SUN1: variants seen among roughly 807,000 people sequenced by gnomAD.
SUN1 encodes the protein Sad1 and UNC84 domain containing 1.
In SUN1, 61 loss-of-function variants were observed where a neutral mutation model predicts 103.2. That is an observed-to-expected ratio of 0.59 (90% confidence interval 0.48 to 0.73). SUN1 has a LOEUF of 0.73. Ranked by LOEUF, SUN1 falls within the 30% of genes least tolerant of loss-of-function variation. The pLI, the probability that SUN1 is intolerant of heterozygous loss-of-function variation, is 0.00. For missense variants in SUN1, 1,052 were observed against 1,034.6 expected, an observed-to-expected ratio of 1.02 and a Z score of -0.23; for synonymous variants, 490 against 425.7, an observed-to-expected ratio of 1.15 and a Z score of -1.86.
At chr7:846,887 G>C (rs1250062754) in intron 5 of SUN1, among the ~76,000 whole-genome samples, 2 of 151,854 alleles carry the variant, frequency 1.3e-5, no homozygotes, top group African/African-American at 4.8e-5. Flanking sequence ...GGTGGCCAGC[G>C]CCTGTAATCC....
intron 5 of SUN1, among the ~76,000 whole-genome samples, chr7:846,234 G>C (rs1489962626): frequency 6.6e-6 from 1 of 151,812 alleles, no homozygotes; most frequent in Non-Finnish European, 1.5e-5. Flanking sequence ...TCAGCCTCCT[G>C]AGTAGCTGGG....
At chr7:869,727 C>G (rs1391925614) in intron 17 of SUN1, among the ~76,000 whole-genome samples, 1 of 152,150 alleles carries the variant, frequency 6.6e-6, no homozygotes, top group African/African-American at 2.4e-5. Context: ...ACATACAGTA[C>G]TACACTGACC....
At chr7:871,056 A>G (rs1416392527) in intron 17 of SUN1, among the ~76,000 whole-genome samples, 3 of 151,302 alleles carry the variant, frequency 2.0e-5, no homozygotes, top group Non-Finnish European at 2.9e-5. Flanking sequence ...ACGCCCGGCT[A>G]ATTTTTGTGT....
chr7:822,516 C>G (rs937784221), intron 1 of SUN1, among the ~76,000 whole-genome samples: 10 of 152,172 alleles, frequency 6.6e-5, no homozygotes, highest in Admixed American at 2.6e-4. Flanking sequence ...GAACACAGAG[C>G]AGCCCTTTGG....
chr7:828,340 T>C (rs1009021176), upstream of SUN1, among the ~76,000 whole-genome samples: 37 of 152,080 alleles, frequency 2.4e-4, no homozygotes, highest in South Asian at 6.2e-4. Context: ...GGTGCTGTGT[T>C]GGCTCACTGC....
At chr7:850,775 A>AC (rs981221528) in intron 5 of SUN1, 4 of 148,518 alleles carry the variant, frequency 2.7e-5, no homozygotes, top group East Asian at 1.9e-4. Context: ...ATTAAAAAAA[A>AC]AAAAAAACAA....
chr7:866,159 G>A lies in SUN1; in HGVS notation c.1980+92G>A, dbSNP rs74881815. On this transcript the variant is annotated intron_variant, in intron 16 of 18. Transcript: ENST00000401592. ...TAGGTCCACAGCTCCATGGAACTTC[G>A]TAAGATGAACACGTCTGTGGAACTG... is the stretch of plus-strand genomic sequence containing the variant. 8,778 of 1,069,454 alleles carry A rather than the reference G, an allele frequency of 8.2e-3. 504 individuals carry two copies. In the East Asian group the frequency reaches 0.15, roughly 18 times the overall value. 66.2% of individuals were successfully genotyped at this position (1,069,454 alleles called of 1,614,324 possible).
At position 852,596 on chromosome 7, in the gene SUN1, T is replaced by C. The variant is rs927630677; in HGVS notation, c.852-13T>C. The C allele has an allele frequency of 1.2e-6, 2 of 1,614,180 alleles. No homozygotes were observed. Among genetic ancestry groups the C allele is most frequent in the Non-Finnish European group, 1.7e-6 (2 of 1,180,022 alleles). On this transcript the variant is annotated splice_polypyrimidine_tract_variant and intron_variant, in intron 7 of 18. Coordinates refer to ENST00000401592, the MANE Select transcript of SUN1 (RefSeq NM_001130965.3). ...ATTTTTTCTAAGTCAAAGGTTTTCATTGTTACTCCCAGGTGCCTTCGAAAC... is the reference window on the plus strand; with the variant it reads ...ATTTTTTCTAAGTCAAAGGTTTTCACTGTTACTCCCAGGTGCCTTCGAAAC...
rs766591405 is a variant in SUN1, at chr7:843,385, G to T, written c.523G>T (p.Ala175Ser). Reference sequence around the variant, plus strand: ...TCAGGGAAACGGGGATGTGGGAGCCGCCGCCGCCACCGCGCACAACGGCTT... The same window carrying T: ...TCAGGGAAACGGGGATGTGGGAGCCTCCGCCGCCACCGCGCACAACGGCTT... ...AIQGNGDVGAAAATAHNGFSC... is the reference protein window; with the variant it reads ...AIQGNGDVGASAATAHNGFSC... Residue 175 changes from alanine to serine, a missense_variant, in exon 5 of 19, where the codon GCC becomes TCC. By Grantham distance (99) the Ala-to-Ser change is moderately conservative. Transcript: ENST00000401592. 3.1e-6 allele frequency: 5 copies of T among 1,609,698 alleles called. No homozygotes were observed. In the African/African-American group the frequency reaches 5.3e-5, roughly 17 times the overall value.
chr7:850,618 CAA>C (rs1820943499), intron 5 of SUN1: 1 of 153,528 alleles, frequency 6.5e-6, no homozygotes, highest in Non-Finnish European at 1.4e-5. Flanking sequence ...CAGGAATTCA[CAA>C]GCAGGTGTTA....
upstream of SUN1, among the ~76,000 whole-genome samples, chr7:828,343 C>G (rs900793624): frequency 3.9e-5 from 6 of 151,996 alleles, no homozygotes; most frequent in Non-Finnish European, 7.4e-5. Context: ...GCTGTGTTGG[C>G]TCACTGCAAC....
At chr7:828,402 G>C (rs1362915778), upstream of SUN1, among the ~76,000 whole-genome samples, 3 of 151,838 alleles carry the variant, frequency 2.0e-5, no homozygotes, top group Non-Finnish European at 4.4e-5. Flanking sequence ...CTCCTGAGTA[G>C]CTGGGATTAC....
At chr7:817,369 C>G in intron 1 of SUN1, 1 of 1,519,774 alleles carries the variant, frequency 6.6e-7, no homozygotes, top group Admixed American at 2.0e-5. Context: ...CGCGTGGTCT[C>G]CGCGCCCTGT....
At position 873,362 on chromosome 7, in the gene SUN1, G is replaced by A; in HGVS notation, c.*31G>A. 1 of 1,580,352 alleles carries A rather than the reference G, an allele frequency of 6.3e-7. No homozygotes were observed. Among genetic ancestry groups the A allele is most frequent in the Non-Finnish European group, 8.7e-7 (1 of 1,149,542 alleles). On this transcript the variant is annotated 3_prime_UTR_variant, in exon 19 of 19. Transcript: ENST00000401592. ...CTACTCATTATTTTTGTACATTTTT[G>A]TATATACTGGGACAGCGTGAAACAC...
At position 853,687 on chromosome 7, in the gene SUN1, T is replaced by C. The variant is rs142224622; in HGVS notation, c.1263+69T>C. The C allele has an allele frequency of 4.0e-4, 615 of 1,524,266 alleles. 6 individuals carry two copies. In the African/African-American group the frequency reaches 7.3e-3, roughly 18 times the overall value. 94.4% of individuals were successfully genotyped at this position (1,524,266 alleles called of 1,614,324 possible). ...GCTTCTGGGTGCCATGTTCTCTCCTTTTGGGAGACAGAGGGGACAGGAGAG... is the reference window on the plus strand; with the variant it reads ...GCTTCTGGGTGCCATGTTCTCTCCTCTTGGGAGACAGAGGGGACAGGAGAG... On this transcript the variant is annotated intron_variant, in intron 10 of 18. Coordinates refer to ENST00000401592, the MANE Select transcript of SUN1 (RefSeq NM_001130965.3).
chr7:854,585 G>C (rs991606613), intron 10 of SUN1, among the ~76,000 whole-genome samples: 1 of 152,238 alleles, frequency 6.6e-6, no homozygotes, highest in Non-Finnish European at 1.5e-5. Flanking sequence ...GGGCTCTCAC[G>C]TGGTCTGGTG....
chr7:823,853 C>T (rs1182009095), intron 1 of SUN1, among the ~76,000 whole-genome samples: 1 of 152,136 alleles, frequency 6.6e-6, no homozygotes, highest in Non-Finnish European at 1.5e-5. Context: ...GTGATTTGGA[C>T]CTGTGAGCCT....
upstream of SUN1, among the ~76,000 whole-genome samples, chr7:831,285 T>TG (rs1797705964): frequency 6.6e-6 from 1 of 151,750 alleles, no homozygotes; most frequent in South Asian, 2.1e-4. Context: ...TTTTTTTTTT[T>TG]TTTTGAGATG....
intron 18 of SUN1, among the ~76,000 whole-genome samples, chr7:872,889 C>T (rs1842714475): frequency 6.6e-6 from 1 of 151,942 alleles, no homozygotes; most frequent in Non-Finnish European, 1.5e-5. Context: ...GAGTTCGAGA[C>T]CAGCCTGACC....
Sources: allele counts gnomAD v4.1 joint callset (sites outside exome capture counted in the v4.1 genomes callset), GRCh38; gene constraint gnomAD v4.1.1; transcripts MANE v1.5; gene names NCBI Gene and HGNC (gene_info 2026-07-23, HGNC 2026-07-21).